TENM1: variants seen among roughly 807,000 people sequenced by gnomAD.
TENM1 encodes teneurin transmembrane protein 1.
In TENM1, 35 loss-of-function variants were observed where a neutral mutation model predicts 174.8. That is an observed-to-expected ratio of 0.20 (90% confidence interval 0.15 to 0.27). The LOEUF is 0.27. Among genes scored for constraint, TENM1 ranks in the 10% least tolerant of loss-of-function variants. The pLI, the probability that TENM1 is intolerant of heterozygous loss-of-function variation, is 1.00. For missense variants in TENM1, 1,633 were observed against 2,130.1 expected (o/e 0.77, Z 4.59); for synonymous variants, 781 against 798.7 (o/e 0.98, Z 0.37).
At chrX:124,478,169 C>T (rs111838373) in intron 22 of TENM1, among the ~76,000 whole-genome samples, 2,430 of 108,338 alleles carry the variant, frequency 0.022, no homozygotes, top group African/African-American at 0.085. Context: ...TGCCCAATGT[C>T]ATAAAATTAG....
chrX:124,950,870 T>C (rs2058472402), intron 1 of TENM1, among the ~76,000 whole-genome samples: 1 of 111,833 alleles, frequency 8.9e-6, no homozygotes, highest in Admixed American at 9.5e-5. Context: ...AGCTTTATTT[T>C]AGTAAAAGTG....
intron 14 of TENM1, among the ~76,000 whole-genome samples, chrX:124,547,765 GT>G (rs893916850): frequency 1.7e-4 from 19 of 112,346 alleles, no homozygotes; most frequent in African/African-American, 5.2e-4. Flanking sequence ...TGCAGAACCA[GT>G]TTTTTAAGGA....
intron 11 of TENM1, among the ~76,000 whole-genome samples, chrX:124,603,746 C>T (rs1694378302): frequency 1.8e-5 from 2 of 111,687 alleles, no homozygotes; most frequent in South Asian, 3.7e-4. Context: ...CATTTCATTG[C>T]TATACAATAG....
chrX:125,167,802 C>T, the TENM1 span, among the ~76,000 whole-genome samples: 1 of 111,469 alleles, frequency 9.0e-6, no homozygotes, highest in Non-Finnish European at 1.9e-5. Context: ...AACGACTAAA[C>T]TGAGAAGCTG....
At chrX:124,753,120 G>A (rs924572371) in intron 3 of TENM1, among the ~76,000 whole-genome samples, 4 of 109,444 alleles carry the variant, frequency 3.7e-5, no homozygotes, top group Non-Finnish European at 7.7e-5. Flanking sequence ...CTACCCATGA[G>A]CATGGAATGT....
chrX:124,553,867 G>A (rs1391937207), intron 14 of TENM1, among the ~76,000 whole-genome samples: 1 of 111,729 alleles, frequency 9.0e-6, no homozygotes, highest in Non-Finnish European at 1.9e-5. Context: ...CACTTTGGGA[G>A]GCCGAGGCAG....
chrX:124,473,529 T>A (rs59087560), intron 22 of TENM1, among the ~76,000 whole-genome samples: 2 of 111,276 alleles, frequency 1.8e-5, no homozygotes, highest in Non-Finnish European at 3.8e-5. Flanking sequence ...CATGTAGGCG[T>A]CCAAGTTTCA....
At chrX:124,573,148 T>C (rs755673887) in intron 11 of TENM1, among the ~76,000 whole-genome samples, 278 of 111,892 alleles carry the variant, frequency 2.5e-3, no homozygotes, top group African/African-American at 8.5e-3. Flanking sequence ...ATTTATGCAG[T>C]GCAAAAAATA....
At chrX:124,866,767 A>T (rs1339930320) in intron 3 of TENM1, among the ~76,000 whole-genome samples, 1 of 111,707 alleles carries the variant, frequency 9.0e-6, no homozygotes, top group Non-Finnish European at 1.9e-5. Flanking sequence ...GACAAAGAAA[A>T]AAAGAGAGAC....
In TENM1 at chrX:124,925,821, T is replaced by C. The variant is rs947337488; in HGVS notation, c.218-29580A>G. Among the ~76,000 whole-genome samples the C allele has an allele frequency of 1.1e-4, 12 of 111,643 alleles. 1 individual carries two copies. Among genetic ancestry groups the C allele is most frequent in the Admixed American group, 9.5e-4 (10 of 10,508 alleles). ...ATTTACATGGGCCAGGTAAATAACATAAATGAATGAAGTGGCTCAGCTATG... is the reference window on the plus strand; with the variant it reads ...ATTTACATGGGCCAGGTAAATAACACAAATGAATGAAGTGGCTCAGCTATG... On this transcript the variant is annotated intron_variant, in intron 1 of 31. Coordinates refer to ENST00000422452, the Ensembl canonical transcript of TENM1.
chrX:124,773,423 CAA>C (rs754228033), intron 3 of TENM1, among the ~76,000 whole-genome samples: 629 of 62,750 alleles, frequency 0.01, 2 homozygotes, highest in African/African-American at 0.034. Context: ...TTTTAGCCTA[CAA>C]AAAAAAAAAA....
chrX:124,935,830 C>T (rs182087132), intron 1 of TENM1, among the ~76,000 whole-genome samples: 3 of 112,004 alleles, frequency 2.7e-5, no homozygotes, highest in African/African-American at 9.7e-5. Context: ...CTCAGTTTTC[C>T]GGACATTAGT....
At chrX:124,436,907 G>A (rs1470599918) in intron 23 of TENM1, among the ~76,000 whole-genome samples, 1 of 102,973 alleles carries the variant, frequency 9.7e-6, no homozygotes, top group Non-Finnish European at 2.0e-5. Flanking sequence ...TTAAAATAAC[G>A]AATGTACTTT....
rs1393803646 is a variant in TENM1 at position 124,774,722 on chromosome X, A to T, written c.536-37525T>A. On this transcript the variant is annotated intron_variant, in intron 3 of 31. Coordinates refer to ENST00000422452, the Ensembl canonical transcript of TENM1. ...CACTTCTTATGGGCTACTTCCAGCC[A>T]ATGACTGTACTAATACAGGCCATTC... 3.6e-5 allele frequency among the ~76,000 whole-genome samples: 4 copies of T among 111,690 alleles called. No individual in the cohort carries two copies. In the Admixed American group the frequency reaches 3.8e-4, roughly 11 times the overall value.
chrX:124,598,827 C>T (rs1206091062), intron 11 of TENM1, among the ~76,000 whole-genome samples: 7 of 110,789 alleles, frequency 6.3e-5, no homozygotes, highest in African/African-American at 2.3e-4. Flanking sequence ...ATGAATAAGA[C>T]CTACTATTTG....
chrX:124,710,938 T>C (rs1014790792), intron 4 of TENM1, among the ~76,000 whole-genome samples: 1 of 112,244 alleles, frequency 8.9e-6, no homozygotes, highest in African/African-American at 3.2e-5. Flanking sequence ...AGACAAATGC[T>C]CAGTGCTAGA....
At chrX:124,936,033 T>C (rs1405155718) in intron 1 of TENM1, among the ~76,000 whole-genome samples, 1 of 112,010 alleles carries the variant, frequency 8.9e-6, no homozygotes, top group Admixed American at 9.5e-5. Flanking sequence ...CCTTTTTGTA[T>C]TCCCCATCCA....
the TENM1 span, among the ~76,000 whole-genome samples, chrX:125,094,694 G>C: frequency 8.9e-6 from 1 of 111,959 alleles, no homozygotes; most frequent in African/African-American, 3.2e-5. Context: ...TATTGATGTG[G>C]TGACTGTGTG....
the TENM1 span, among the ~76,000 whole-genome samples, chrX:125,177,988 T>C: frequency 8.9e-6 from 1 of 111,825 alleles, no homozygotes; most frequent in Non-Finnish European, 1.9e-5. Context: ...CGGAGCTAAA[T>C]GTTACAAGAA....
Sources: gnomAD v4.1 joint callset for allele counts (sites outside exome capture counted in the v4.1 genomes callset) on GRCh38, gnomAD v4.1.1 for gene constraint, MANE v1.5 for transcripts, NCBI Gene and HGNC (gene_info 2026-07-23, HGNC 2026-07-21) for gene names.